Variants in VPS13B observed in about 807,000 individuals in gnomAD.
The protein encoded by VPS13B is intermembrane lipid transfer protein VPS13B.
Under a neutral mutation model 426.4 loss-of-function variants are expected in VPS13B, and 285 were observed. The observed-to-expected ratio is 0.67, with a 90% CI of 0.61 to 0.74. The LOEUF (loss-of-function observed/expected upper bound fraction) is 0.74. Ranked by LOEUF, VPS13B falls within the 30% of genes least tolerant of loss-of-function variation. VPS13B has a pLI of 0.00. For missense variants in VPS13B, 4,537 were observed against 4,782.6 expected (o/e 0.95, Z 1.51); for synonymous variants, 1,676 against 1,676.4 (o/e 1.00, Z 0.01).
At chr8:99,640,515 A>C (rs1476714315) in intron 33 of VPS13B, among the ~76,000 whole-genome samples, 3 of 151,774 alleles carry the variant, frequency 2.0e-5, no homozygotes, top group African/African-American at 7.3e-5. Context: ...CAGTCTTCCC[A>C]CCTCAGCCTC....
chr8:99,508,575 T>C (rs1821625505), intron 28 of VPS13B, among the ~76,000 whole-genome samples: 2 of 152,194 alleles, frequency 1.3e-5, no homozygotes, highest in Admixed American at 6.5e-5. Context: ...CTTTAATCTT[T>C]AGTGCAGGAA....
chr8:99,738,716 G>T (rs937713302), intron 39 of VPS13B, among the ~76,000 whole-genome samples: 4 of 152,120 alleles, frequency 2.6e-5, no homozygotes, highest in Admixed American at 6.5e-5. Context: ...TTACCATTGA[G>T]TATAAAATAT....
At position 99,048,067 on chromosome 8, in the gene VPS13B, G is replaced by A. The variant is rs1430613218; in HGVS notation, c.291+9501G>A. Among the ~76,000 whole-genome samples the A allele has an allele frequency of 3.3e-5, 5 of 152,204 alleles. No homozygotes were observed. The South Asian group carries it at 8.3e-4, about 25-fold the overall frequency. On this transcript the variant is annotated intron_variant, in intron 3 of 61. Coordinates refer to ENST00000357162, the MANE Select transcript of VPS13B (RefSeq NM_152564.5). ...TCGTGTCACAATTGTCATTCAGTTC[G>A]AAGAAATTTTTAATTTCCATATTGA...
intron 56 of VPS13B, among the ~76,000 whole-genome samples, chr8:99,856,070 ACT>A (rs1195010641): frequency 6.6e-6 from 1 of 151,950 alleles, no homozygotes; most frequent in African/African-American, 2.4e-5. Flanking sequence ...CAGCAGGGAA[ACT>A]CTACCTGTGG....
chr8:99,038,527 T>C lies in VPS13B; in HGVS notation c.252T>C (p.Asn84=). 6.2e-7 allele frequency: 1 copy of C among 1,613,042 alleles called. No homozygotes were observed. The highest frequency in any genetic ancestry group is 8.5e-7 in the Non-Finnish European group (1 of 1,179,398). The change falls in exon 3 of 62, where the codon AAT becomes AAC. Residue 84 remains asparagine (N), a synonymous_variant. Transcript: ENST00000357162. ...LGSEPVVITI[N]TMECILKLKD... ...CAGAACCAGTGGTAATTACCATCAA[T>C]ACTATGGAATGCATTTTGAAACTTA...
intron 16 of VPS13B, among the ~76,000 whole-genome samples, chr8:99,184,058 C>T (rs928167891): frequency 9.2e-5 from 14 of 152,174 alleles, no homozygotes; most frequent in Non-Finnish European, 1.5e-5. Context: ...ATTAGTACTT[C>T]ACTTCTTTTT....
At chr8:99,447,940 C>G (rs939552843) in intron 23 of VPS13B, among the ~76,000 whole-genome samples, 2 of 151,526 alleles carry the variant, frequency 1.3e-5, no homozygotes, top group Non-Finnish European at 2.9e-5. Context: ...ACCTTCAATA[C>G]TCATTTAAAA....
chr8:99,024,930 C>T (rs1376695543), intron 2 of VPS13B, among the ~76,000 whole-genome samples: 1 of 152,090 alleles, frequency 6.6e-6, no homozygotes, highest in Non-Finnish European at 1.5e-5. Context: ...CATGAGATGT[C>T]TTTCTAATTT....
chr8:99,471,905 TC>T (rs1819430207), intron 24 of VPS13B, among the ~76,000 whole-genome samples: 1 of 152,088 alleles, frequency 6.6e-6, no homozygotes, highest in Admixed American at 6.6e-5. Flanking sequence ...AAGGCAAAGA[TC>T]TACAGTGGGA....
At chr8:99,690,684 A>G (rs1199267795) in intron 35 of VPS13B, among the ~76,000 whole-genome samples, 1 of 152,276 alleles carries the variant, frequency 6.6e-6, no homozygotes, top group African/African-American at 2.4e-5. Context: ...ACAAATAACC[A>G]AATTTAAAAA....
At chr8:99,632,596 G>A (rs1466656060) in intron 33 of VPS13B, among the ~76,000 whole-genome samples, 5 of 151,904 alleles carry the variant, frequency 3.3e-5, no homozygotes, top group Non-Finnish European at 5.9e-5. Flanking sequence ...TTGTGTGGAA[G>A]GTCATTTTGG....
intron 54 of VPS13B, among the ~76,000 whole-genome samples, chr8:99,842,662 G>A (rs2130885509): frequency 6.6e-6 from 1 of 152,050 alleles, no homozygotes; most frequent in East Asian, 1.9e-4. Context: ...TTGTCACCTT[G>A]TAATTAATTT....
chr8:99,469,859 G>A (rs1046696934), intron 24 of VPS13B, among the ~76,000 whole-genome samples: 1 of 152,126 alleles, frequency 6.6e-6, no homozygotes, highest in East Asian at 1.9e-4. Flanking sequence ...ACAAAGGGAA[G>A]ATGATGTAAA....
At chr8:99,168,188 A>G (rs1371751466) in intron 15 of VPS13B, among the ~76,000 whole-genome samples, 2 of 152,220 alleles carry the variant, frequency 1.3e-5, no homozygotes, top group South Asian at 4.1e-4. Flanking sequence ...GTCCTGTTTT[A>G]TTGTAATTTT....
At chr8:99,123,122 CAAAAAAAA>C (rs71273164) in intron 8 of VPS13B, among the ~76,000 whole-genome samples, 1 of 61,438 alleles carries the variant, frequency 1.6e-5, no homozygotes, top group African/African-American at 6.2e-5. Flanking sequence ...ACTCTGTCTC[CAAAAAAAA>C]AAAAAAAAAA....
At chr8:99,299,771 G>A (rs1022543445) in intron 19 of VPS13B, among the ~76,000 whole-genome samples, 14 of 152,108 alleles carry the variant, frequency 9.2e-5, no homozygotes, top group East Asian at 3.9e-4. Flanking sequence ...TTAGCTGAGC[G>A]TGGTGGTGGG....
chr8:99,298,043 T>C (rs1820139042), intron 19 of VPS13B, among the ~76,000 whole-genome samples: 1 of 152,244 alleles, frequency 6.6e-6, no homozygotes, highest in South Asian at 2.1e-4. Flanking sequence ...ATTAAAGGCA[T>C]GTTTTGGTGC....
chr8:99,396,429 G>A (rs1006703561), intron 21 of VPS13B, among the ~76,000 whole-genome samples: 1 of 152,148 alleles, frequency 6.6e-6, no homozygotes, highest in South Asian at 2.1e-4. Flanking sequence ...AGGTTAAAAA[G>A]ATATTTAATG....
At chr8:99,356,899 A>G (rs1489017505) in intron 19 of VPS13B, among the ~76,000 whole-genome samples, 2 of 152,092 alleles carry the variant, frequency 1.3e-5, no homozygotes, top group Admixed American at 1.3e-4. Context: ...TGTCATAATC[A>G]TCCAATTTCC....
Sources: gnomAD v4.1 joint callset for allele counts (sites outside exome capture counted in the v4.1 genomes callset) on GRCh38, gnomAD v4.1.1 for gene constraint, MANE v1.5 for transcripts, NCBI Gene and HGNC (gene_info 2026-07-23, HGNC 2026-07-21) for gene names.